DCAF8L2: variants seen among roughly 807,000 people sequenced by gnomAD.
DCAF8L2 encodes the protein DDB1 and CUL4 associated factor 8 like 2.
For missense variants in DCAF8L2, 430 were observed against 490.7 expected, an observed-to-expected ratio of 0.88 and a Z score of 1.17; for synonymous variants, 200 against 190.9, an observed-to-expected ratio of 1.05 and a Z score of -0.39.
chrX:27,614,892 A>C (rs1927383553), intron 1 of DCAF8L2, among the ~76,000 whole-genome samples: 1 of 111,294 alleles, frequency 9.0e-6, no homozygotes, highest in Admixed American at 9.6e-5. Context: ...CAATTTTGGA[A>C]TAAGTTCAGA....
the DCAF8L2 span, among the ~76,000 whole-genome samples, chrX:27,510,547 G>A: frequency 9.4e-6 from 1 of 106,503 alleles, no homozygotes; most frequent in Non-Finnish European, 1.9e-5. Context: ...TGGACTTCAA[G>A]GAGCTGTATT....
chrX:27,544,887 A>C, the DCAF8L2 span, among the ~76,000 whole-genome samples: 1 of 112,133 alleles, frequency 8.9e-6, no homozygotes, highest in African/African-American at 3.2e-5. Context: ...GCAATGAAGC[A>C]GTAAAGACAC....
intron 3 of DCAF8L2, among the ~76,000 whole-genome samples, chrX:27,694,468 C>T (rs1243739617): frequency 9.0e-6 from 1 of 110,861 alleles, no homozygotes; most frequent in Non-Finnish European, 1.9e-5. Context: ...TTCTATCAAA[C>T]TGATCTTGTT....
At chrX:27,472,778 T>C in the DCAF8L2 span, among the ~76,000 whole-genome samples, 1 of 112,152 alleles carries the variant, frequency 8.9e-6, no homozygotes. Flanking sequence ...ACATTTTCTT[T>C]ATCCAGTCTA....
the DCAF8L2 span, among the ~76,000 whole-genome samples, chrX:27,492,681 A>G: frequency 9.0e-6 from 1 of 110,541 alleles, no homozygotes; most frequent in Non-Finnish European, 1.9e-5. Flanking sequence ...GGGTTTCTCC[A>G]TGTTGGTCAG....
chrX:27,475,814 CTGATATTTA>C, the DCAF8L2 span, among the ~76,000 whole-genome samples: 1 of 111,796 alleles, frequency 8.9e-6, no homozygotes, highest in South Asian at 3.7e-4. Flanking sequence ...AAAGCTGGAA[CTGATATTTA>C]TGAAAGTTAA....
chrX:27,689,669 T>C (rs1569182860), intron 3 of DCAF8L2, among the ~76,000 whole-genome samples: 1 of 112,779 alleles, frequency 8.9e-6, no homozygotes, highest in Non-Finnish European at 1.9e-5. Context: ...TTAGGAAGAA[T>C]AGGATACAGG....
At chrX:27,657,433 C>T (rs1569173830) in intron 2 of DCAF8L2, among the ~76,000 whole-genome samples, 1 of 111,276 alleles carries the variant, frequency 9.0e-6, no homozygotes, top group Non-Finnish European at 1.9e-5. Context: ...AGTAACTTGT[C>T]TAGTATCACC....
At chrX:27,645,986 C>A (rs752391137) in intron 2 of DCAF8L2, among the ~76,000 whole-genome samples, 1 of 111,709 alleles carries the variant, frequency 9.0e-6, no homozygotes, top group Admixed American at 9.5e-5. Flanking sequence ...AATCACCATA[C>A]TGCCCAAAGC....
chrX:27,641,807 A>G (rs978838175), intron 2 of DCAF8L2, among the ~76,000 whole-genome samples: 9 of 110,184 alleles, frequency 8.2e-5, no homozygotes, highest in Admixed American at 4.9e-4. Flanking sequence ...TTTACTCTGC[A>G]TAACGTGTGT....
chrX:27,626,356 A>G (rs774482755), intron 1 of DCAF8L2, among the ~76,000 whole-genome samples: 1 of 112,115 alleles, frequency 8.9e-6, no homozygotes, highest in African/African-American at 3.2e-5. Context: ...CTCACCTCCA[A>G]TCTCTAGCCA....
chrX:27,623,118 A>G (rs1293955992), intron 1 of DCAF8L2, among the ~76,000 whole-genome samples: 1 of 111,471 alleles, frequency 9.0e-6, no homozygotes, highest in East Asian at 2.8e-4. Context: ...ACTGCTGGAA[A>G]CTTTTTGATC....
At chrX:27,666,420 A>G (rs1929743421) in intron 2 of DCAF8L2, among the ~76,000 whole-genome samples, 1 of 111,996 alleles carries the variant, frequency 8.9e-6, no homozygotes, top group African/African-American at 3.2e-5. Context: ...AGTATAAGAA[A>G]GAGCCATTTA....
chrX:27,627,677 C>T (rs1163320843), intron 1 of DCAF8L2, among the ~76,000 whole-genome samples: 2 of 108,138 alleles, frequency 1.8e-5, no homozygotes, highest in Admixed American at 1.1e-4. Flanking sequence ...AGGTGGATCA[C>T]GAGGTCAGGA....
the DCAF8L2 span, among the ~76,000 whole-genome samples, chrX:27,582,946 T>C: frequency 1.8e-5 from 2 of 111,760 alleles, no homozygotes; most frequent in African/African-American, 6.5e-5. Context: ...TAACTATTTT[T>C]TGTGGAGATA....
At chrX:27,533,738 C>T in the DCAF8L2 span, among the ~76,000 whole-genome samples, 2 of 112,332 alleles carry the variant, frequency 1.8e-5, no homozygotes, top group South Asian at 7.3e-4. Context: ...AAAATATCAA[C>T]ATACTTAAAG....
intron 3 of DCAF8L2, among the ~76,000 whole-genome samples, chrX:27,690,586 A>G: frequency 9.2e-6 from 1 of 109,103 alleles, no homozygotes. Flanking sequence ...CATATGAATT[A>G]CATCAAATTG....
chrX:27,556,473 G>T, the DCAF8L2 span, among the ~76,000 whole-genome samples: 3 of 111,725 alleles, frequency 2.7e-5, no homozygotes, highest in South Asian at 1.1e-3. Flanking sequence ...AAAGTGTTTG[G>T]TTCTTATGCC....
the DCAF8L2 span, among the ~76,000 whole-genome samples, chrX:27,517,077 A>C: frequency 8.9e-6 from 1 of 112,045 alleles, no homozygotes; most frequent in South Asian, 3.7e-4. Flanking sequence ...CAATCAATGT[A>C]GCTGTTAAAG....
Sources: gnomAD v4.1 joint callset for allele counts (sites outside exome capture counted in the v4.1 genomes callset) on GRCh38, gnomAD v4.1.1 for gene constraint, MANE v1.5 for transcripts, NCBI Gene and HGNC (gene_info 2026-07-23, HGNC 2026-07-21) for gene names.